TMEM176B: variants seen among roughly 807,000 people sequenced by gnomAD.
The protein encoded by TMEM176B is LR8-like protein.
In TMEM176B, 28 loss-of-function variants were observed where a neutral mutation model predicts 30.3. The ratio of observed to expected loss-of-function variants is 0.92; its 90% CI spans 0.68 to 1.27. The LOEUF (loss-of-function observed/expected upper bound fraction) is 1.27, where lower values mean the gene tolerates loss of function less well. Ranked by LOEUF, TMEM176B falls within the 50% of genes most tolerant of loss-of-function variation. The pLI is 0.00. For missense variants in TMEM176B, 349 were observed against 327.4 expected (o/e 1.07, Z -0.51); for synonymous variants, 123 against 130.3 (o/e 0.94, Z 0.38).
At position 150,791,503 on chromosome 7, in the gene TMEM176B, G is replaced by A. The variant is rs776528216; in HGVS notation, c.*28C>T. 9 of 1,600,808 alleles carry A rather than the reference G, an allele frequency of 5.6e-6. No individual in the cohort carries two copies. The South Asian group carries it at 8.8e-5, about 16-fold the overall frequency. On this transcript the variant is annotated 3_prime_UTR_variant, in exon 7 of 7. Coordinates refer to ENST00000326442, the MANE Select transcript of TMEM176B (RefSeq NM_001101312.2). ...CCTGGGCTGCCCTAGACAGGGACAT[G>A]CGGGCACCCCGTGGGGTCTTTGGCA...
intron 1 of TMEM176B, 151 bp from the exon 2 acceptor site, chr7:150,796,725 G>T (rs1798544329): frequency 2.7e-6 from 2 of 733,948 alleles, no homozygotes; most frequent in Admixed American, 5.2e-5. Flanking sequence ...TTGGGAGGCT[G>T]AGGTGGGTGG....
intron 3 of TMEM176B, 122 bp downstream of exon 3, chr7:150,793,839 C>T (rs1798414223): frequency 2.0e-6 from 2 of 980,746 alleles, no homozygotes; most frequent in Non-Finnish European, 3.1e-6. Context: ...TCCTCATGGC[C>T]AAAGGCCATT....
Position 150,792,157 on chromosome 7 carries a change from G to A in TMEM176B, c.619C>T (p.Arg207Cys), listed in dbSNP as rs139047290. 2.1e-4 allele frequency: 337 copies of A among 1,613,706 alleles called. No homozygotes were observed. The highest frequency in any genetic ancestry group is 5.0e-4 in the Middle Eastern group (3 of 6,060). The part of the protein sequence containing the change: ...QMLRKLFTAI[R>C]ALFLAVCVLK... ...ACACAGACAGCCAGGAACAGGGCAC[G>A]GATTGCTGTGAACAACTTCTGGAGA... is the stretch of plus-strand genomic sequence containing the variant. The change falls in exon 6 of 7, where the codon CGT becomes TGT. Residue 207 changes from arginine (R) to cysteine (C), a missense_variant. Coordinates refer to ENST00000326442, the MANE Select transcript of TMEM176B (RefSeq NM_001101312.2).
At chr7:150,792,016 C>T (rs941771989) in intron 6 of TMEM176B, 40 bp downstream of exon 6, 3 of 1,611,418 alleles carry the variant, frequency 1.9e-6, no homozygotes, top group African/African-American at 2.7e-5. Context: ...ACTCACCACC[C>T]AGACTCACGC....
rs1235550793 is a variant in TMEM176B at position 150,791,737 on chromosome 7, G to A, written c.721-114C>T. On this transcript the variant is annotated intron_variant, in intron 6 of 6. Coordinates refer to ENST00000326442, the MANE Select transcript of TMEM176B (RefSeq NM_001101312.2). Reference sequence around the variant, plus strand: ...GAGGAGGGAAAGGAAAAGGTGACAGGAAAAGCAGATCAGGCAAAAAAAAAA... The same window carrying A: ...GAGGAGGGAAAGGAAAAGGTGACAGAAAAAGCAGATCAGGCAAAAAAAAAA... The A allele has an allele frequency of 5.6e-5, 57 of 1,012,554 alleles. No homozygotes were observed. In the East Asian group the frequency reaches 1.4e-3, roughly 26 times the overall value. The allele number at this position is 1,012,554 out of a possible 1,614,324, so 62.7% of individuals were successfully genotyped here.
intron 2 of TMEM176B, among the ~76,000 whole-genome samples, chr7:150,795,873 A>C (rs1416307452): frequency 6.6e-6 from 1 of 152,196 alleles, no homozygotes; most frequent in Non-Finnish European, 1.5e-5. Flanking sequence ...GAAGAAGGAG[A>C]GTTTCCACTG....
At chr7:150,799,118 A>G (rs1585285486) in intron 1 of TMEM176B, among the ~76,000 whole-genome samples, 1 of 152,136 alleles carries the variant, frequency 6.6e-6, no homozygotes, top group African/African-American at 2.4e-5. Flanking sequence ...TGGGTGACCA[A>G]CCTTCGCCGT....
intron 6 of TMEM176B, 139 bp downstream of exon 6, chr7:150,791,917 G>C (rs1191726779): frequency 8.6e-6 from 11 of 1,284,692 alleles, no homozygotes; most frequent in Non-Finnish European, 1.2e-5. Flanking sequence ...CAGCAAAGGG[G>C]AGAGCTGCAT....
At chr7:150,794,195 C>T (rs961367045) in intron 2 of TMEM176B, 124 bp from the exon 3 acceptor site, 5 of 632,088 alleles carry the variant, frequency 7.9e-6, no homozygotes, top group Non-Finnish European at 1.4e-5. Flanking sequence ...CTTGACCTCT[C>T]TGCAGCTCTG....
intron 2 of TMEM176B, 75 bp from the exon 3 acceptor site, chr7:150,794,146 G>T: frequency 8.7e-7 from 1 of 1,146,342 alleles, no homozygotes; most frequent in Non-Finnish European, 1.3e-6. Flanking sequence ...CCAGCTGCCT[G>T]GCTCCTACCT....
chr7:150,793,942 C>G lies in TMEM176B; in HGVS notation c.315+19G>C. On this transcript the variant is annotated intron_variant, in intron 3 of 6. Transcript: ENST00000326442. ...CACCACTTGCCTCCCTCCAGGCTCA[C>G]AGCCTGTTCCTTACTCACCACAGAC... 1 of 1,570,970 alleles carries G rather than the reference C, an allele frequency of 6.4e-7. No homozygotes were observed. The highest frequency in any genetic ancestry group is 8.6e-7 in the Non-Finnish European group (1 of 1,158,696).
intron 2 of TMEM176B, among the ~76,000 whole-genome samples, chr7:150,795,880 A>G (rs923129709): frequency 6.6e-6 from 1 of 152,142 alleles, no homozygotes; most frequent in African/African-American, 2.4e-5. Flanking sequence ...GAGAGTTTCC[A>G]CTGTGAAAGC....
intron 2 of TMEM176B, among the ~76,000 whole-genome samples, chr7:150,794,767 T>C (rs1003332154): frequency 1.3e-5 from 2 of 151,960 alleles, no homozygotes; most frequent in Non-Finnish European, 1.5e-5. Flanking sequence ...TTTCATTTCA[T>C]AGGTGTCATA....
chr7:150,794,026 A>G lies in TMEM176B; in HGVS notation c.250T>C (p.Cys84Arg). 4 of 1,614,014 alleles carry G rather than the reference A, an allele frequency of 2.5e-6. No homozygotes were observed. Among genetic ancestry groups the G allele is most frequent in the Non-Finnish European group, 3.4e-6 (4 of 1,179,922 alleles). Residue 84 changes from cysteine to arginine, a missense_variant, in exon 3 of 7, where the codon TGT (cysteine) becomes CGT (arginine). By Grantham distance (180) the Cys-to-Arg change is radical. Transcript: ENST00000326442. ...ACAGTCCAGGGCCCCAAGCTGAGAC[A>G]CACTCCAAGAACACAACTCACAACC... The part of the protein sequence containing the change: ...LGVVSCVLGV[C>R]LSLGPWTVLS...
At chr7:150,798,226 T>C (rs1002681106) in intron 1 of TMEM176B, among the ~76,000 whole-genome samples, 7 of 152,214 alleles carry the variant, frequency 4.6e-5, no homozygotes, top group African/African-American at 1.7e-4. Flanking sequence ...CTTTCTGTAA[T>C]GATTTCCATA....
intron 1 of TMEM176B, among the ~76,000 whole-genome samples, chr7:150,797,255 C>G (rs776951552): frequency 1.3e-5 from 2 of 152,148 alleles, no homozygotes; most frequent in Admixed American, 6.5e-5. Context: ...CCACAAATAG[C>G]AGCATACTAT....
intron 1 of TMEM176B, among the ~76,000 whole-genome samples, chr7:150,797,680 C>A (rs1798580979): frequency 6.6e-6 from 1 of 152,178 alleles, no homozygotes; most frequent in Non-Finnish European, 1.5e-5. Flanking sequence ...CGCATGAGAA[C>A]CCTGCCTTGT....
At chr7:150,792,029 C>T in intron 6 of TMEM176B, 27 bp downstream of exon 6, 1 of 1,612,650 alleles carries the variant, frequency 6.2e-7, no homozygotes, top group South Asian at 1.1e-5. Flanking sequence ...ACTCACGCTG[C>T]CCAGAGGCCC....
Position 150,793,328 on chromosome 7 carries a change from G to T in TMEM176B, c.373-13C>A. The T allele has an allele frequency of 6.2e-7, 1 of 1,611,750 alleles. No individual in the cohort carries two copies. The highest frequency in any genetic ancestry group is 1.1e-5 in the South Asian group (1 of 90,766). Reference sequence around the variant, plus strand: ...TGGATATATAGCCCTGGAAGAGAAAGAGGGTCATGACACACGCTCCTTCAA... The same window carrying T: ...TGGATATATAGCCCTGGAAGAGAAATAGGGTCATGACACACGCTCCTTCAA... On this transcript the variant is annotated splice_polypyrimidine_tract_variant and intron_variant, in intron 4 of 6. Coordinates refer to ENST00000326442, the MANE Select transcript of TMEM176B (RefSeq NM_001101312.2).
Sources: allele counts gnomAD v4.1 joint callset (sites outside exome capture counted in the v4.1 genomes callset), GRCh38; gene constraint gnomAD v4.1.1; transcripts MANE v1.5; gene names NCBI Gene and HGNC (gene_info 2026-07-23, HGNC 2026-07-21).